The following FAF1 variants were observed in gnomAD, a reference collection of about 807,000 sequenced individuals.
The protein encoded by FAF1 is Fas associated factor 1.
In FAF1, 25 loss-of-function variants were observed where a neutral mutation model predicts 92.5. That is an observed-to-expected ratio of 0.27 (90% CI 0.20 to 0.38). The LOEUF is 0.38. FAF1 is among the 10% of genes least tolerant of loss of function. The pLI, the probability that FAF1 is intolerant of heterozygous loss-of-function variation, is 1.00. For missense variants in FAF1, 636 were observed against 793.3 expected, an observed-to-expected ratio of 0.80 and a Z score of 2.38; for synonymous variants, 234 against 273.2, an observed-to-expected ratio of 0.86 and a Z score of 1.42.
At chr1:50,651,188 G>A (rs1654847328) in intron 8 of FAF1, among the ~76,000 whole-genome samples, 1 of 152,112 alleles carries the variant, frequency 6.6e-6, no homozygotes, top group African/African-American at 2.4e-5. Context: ...GAAGTATACT[G>A]AACAAAACAT....
intron 18 of FAF1, among the ~76,000 whole-genome samples, chr1:50,463,060 A>C (rs1336136859): frequency 6.6e-6 from 1 of 152,172 alleles, no homozygotes; most frequent in Non-Finnish European, 1.5e-5. Context: ...TTATGCCTAA[A>C]CTGTTTGTGC....
intron 6 of FAF1, among the ~76,000 whole-genome samples, chr1:50,720,584 G>A (rs1658367320): frequency 6.6e-6 from 1 of 152,092 alleles, no homozygotes; most frequent in Non-Finnish European, 1.5e-5. Context: ...TGAACTGAGG[G>A]CACTTGGGGA....
intron 7 of FAF1, among the ~76,000 whole-genome samples, chr1:50,679,863 C>T (rs1371907435): frequency 6.6e-6 from 1 of 152,118 alleles, no homozygotes; most frequent in Non-Finnish European, 1.5e-5. Context: ...CCGCACATCT[C>T]GGCAACTAAG....
At chr1:50,626,681 AG>A (rs1400022036) in intron 8 of FAF1, among the ~76,000 whole-genome samples, 1 of 152,136 alleles carries the variant, frequency 6.6e-6, no homozygotes, top group Non-Finnish European at 1.5e-5. Context: ...AGATTTAAGC[AG>A]GGAGATTACT....
At chr1:50,711,627 C>T (rs1657936710) in intron 6 of FAF1, among the ~76,000 whole-genome samples, 1 of 151,894 alleles carries the variant, frequency 6.6e-6, no homozygotes, top group African/African-American at 2.4e-5. Context: ...CCACCATGCC[C>T]GGCTAATTTT....
chr1:50,851,678 G>A (rs1345492640), intron 2 of FAF1, among the ~76,000 whole-genome samples: 1 of 152,106 alleles, frequency 6.6e-6, no homozygotes, highest in Non-Finnish European at 1.5e-5. Flanking sequence ...GTCTACCATA[G>A]ATTTTATAAA....
intron 8 of FAF1, 86 bp downstream of exon 8, chr1:50,655,356 A>C: frequency 2.3e-6 from 2 of 885,636 alleles, no homozygotes; most frequent in Non-Finnish European, 3.8e-6. Flanking sequence ...CAAAGCATTT[A>C]ATTGTGCTTA....
At chr1:50,630,984 G>A (rs1653756823) in intron 8 of FAF1, among the ~76,000 whole-genome samples, 1 of 151,790 alleles carries the variant, frequency 6.6e-6, no homozygotes, top group Non-Finnish European at 1.5e-5. Context: ...TGTATTTTTA[G>A]TAGAGATGGG....
At chr1:50,810,389 T>TA (rs1305738006) in intron 2 of FAF1, among the ~76,000 whole-genome samples, 1 of 152,166 alleles carries the variant, frequency 6.6e-6, no homozygotes, top group African/African-American at 2.4e-5. Flanking sequence ...TCCTTCATGT[T>TA]AAAAAACCCT....
chr1:50,684,464 A>G (rs777888862), intron 7 of FAF1, among the ~76,000 whole-genome samples: 9 of 152,178 alleles, frequency 5.9e-5, no homozygotes, highest in Non-Finnish European at 1.3e-4. Flanking sequence ...GAATGTTCCT[A>G]TCACAGTCGA....
At chr1:50,898,915 G>A (rs1405336722) in intron 1 of FAF1, among the ~76,000 whole-genome samples, 1 of 152,120 alleles carries the variant, frequency 6.6e-6, no homozygotes. Flanking sequence ...GAAAATGTTG[G>A]TGGTTATTTC....
intron 2 of FAF1, chr1:50,846,836 G>A: frequency 1.7e-6 from 1 of 598,702 alleles, no homozygotes; most frequent in Non-Finnish European, 3.0e-6. Flanking sequence ...AGAAGAGGAA[G>A]AAGTGAGAAG....
At chr1:50,858,272 T>C (rs1161480126) in intron 1 of FAF1, among the ~76,000 whole-genome samples, 1 of 151,838 alleles carries the variant, frequency 6.6e-6, no homozygotes, top group Non-Finnish European at 1.5e-5. Flanking sequence ...GGATGATCTC[T>C]AATTACCAAG....
At chr1:50,719,779 G>A (rs935419942) in intron 6 of FAF1, among the ~76,000 whole-genome samples, 5 of 152,098 alleles carry the variant, frequency 3.3e-5, no homozygotes, top group African/African-American at 7.2e-5. Context: ...TAAATCAACC[G>A]TAGAGAATAC....
chr1:50,782,141 C>T (rs1417588333), intron 4 of FAF1, among the ~76,000 whole-genome samples: 1 of 152,086 alleles, frequency 6.6e-6, no homozygotes. Flanking sequence ...ATTCACTATA[C>T]TATACTTTTT....
intron 8 of FAF1, among the ~76,000 whole-genome samples, chr1:50,644,495 C>T (rs12567589): frequency 0.072 from 10,956 of 152,300 alleles, 433 homozygotes; most frequent in African/African-American, 0.1. Context: ...GAACCCCATG[C>T]AGATTTCTGG....
At chr1:50,941,139 C>T (rs1645129288) in intron 1 of FAF1, among the ~76,000 whole-genome samples, 2 of 151,910 alleles carry the variant, frequency 1.3e-5, no homozygotes, top group Non-Finnish European at 2.9e-5. Context: ...TCAAGCAATC[C>T]TCCCACCTCA....
intron 1 of FAF1, among the ~76,000 whole-genome samples, chr1:50,922,277 G>A (rs760399590): frequency 1.7e-4 from 25 of 151,056 alleles, no homozygotes; most frequent in Non-Finnish European, 1.2e-4. Context: ...ATGACCAACT[G>A]GCAAAACCCT....
At chr1:50,493,415 C>A (rs1425935004) in intron 15 of FAF1, among the ~76,000 whole-genome samples, 40 of 152,202 alleles carry the variant, frequency 2.6e-4, no homozygotes, top group Non-Finnish European at 7.4e-5. Context: ...TGTAATCAAC[C>A]AACTATGAGA....
Sources: gnomAD v4.1 joint callset for allele counts (sites outside exome capture counted in the v4.1 genomes callset) on GRCh38, gnomAD v4.1.1 for gene constraint, MANE v1.5 for transcripts, NCBI Gene and HGNC (gene_info 2026-07-23, HGNC 2026-07-21) for gene names.